Variants in CTNNA3 observed in about 807,000 individuals in gnomAD.
The protein encoded by CTNNA3 is catenin alpha-3.
CTNNA3 carries 76 observed loss-of-function variants against 95.7 expected under a neutral mutation model. The ratio of observed to expected loss-of-function variants is 0.79; its 90% confidence interval spans 0.66 to 0.96. The LOEUF is 0.96. Ranked by LOEUF, CTNNA3 falls within the 40% of genes least tolerant of loss-of-function variation. CTNNA3 has a pLI of 0.00. For synonymous variants in CTNNA3, 431 were observed against 374.4 expected (o/e 1.15, Z -1.74); for missense variants, 1,191 against 1,089.8 (o/e 1.09, Z -1.31).
At chr10:66,682,738 T>C (rs916973982) in intron 9 of CTNNA3, among the ~76,000 whole-genome samples, 1 of 152,022 alleles carries the variant, frequency 6.6e-6, no homozygotes, top group Non-Finnish European at 1.5e-5. Context: ...GTATATTTCA[T>C]GGTGAAGCCC....
At chr10:66,329,631 A>G (rs1189479413) in intron 12 of CTNNA3, among the ~76,000 whole-genome samples, 1 of 152,042 alleles carries the variant, frequency 6.6e-6, no homozygotes, top group Non-Finnish European at 1.5e-5. Context: ...AATAAAATGA[A>G]AGAATGAACG....
intron 11 of CTNNA3, among the ~76,000 whole-genome samples, chr10:66,514,880 T>A (rs1183994540): frequency 1.3e-5 from 2 of 152,112 alleles, no homozygotes; most frequent in East Asian, 3.9e-4. Flanking sequence ...TGAAAATATA[T>A]GTTTAACTAT....
intron 17 of CTNNA3, among the ~76,000 whole-genome samples, chr10:65,922,802 G>A (rs934666990): frequency 1.3e-5 from 2 of 152,106 alleles, no homozygotes; most frequent in Non-Finnish European, 2.9e-5. Flanking sequence ...GATACTACCC[G>A]AGACTGGGTT....
intron 12 of CTNNA3, among the ~76,000 whole-genome samples, chr10:66,311,814 C>A (rs988241118): frequency 6.6e-6 from 1 of 152,162 alleles, no homozygotes; most frequent in African/African-American, 2.4e-5. Flanking sequence ...CTGATAGTTA[C>A]TCTCCTGGGG....
intron 11 of CTNNA3, among the ~76,000 whole-genome samples, chr10:66,416,477 C>A (rs1212361744): frequency 6.6e-6 from 1 of 151,700 alleles, no homozygotes; most frequent in Admixed American, 6.6e-5. Context: ...AGACACAATA[C>A]AAAAAGTTCT....
intron 13 of CTNNA3, among the ~76,000 whole-genome samples, chr10:66,131,183 A>T (rs1041903657): frequency 2.6e-5 from 4 of 152,218 alleles, no homozygotes; most frequent in African/African-American, 9.6e-5. Context: ...TTTCCAAAAA[A>T]TTGTGGAGGA....
intron 11 of CTNNA3, among the ~76,000 whole-genome samples, chr10:66,399,614 G>A (rs2093004600): frequency 6.6e-6 from 1 of 151,898 alleles, no homozygotes; most frequent in African/African-American, 2.4e-5. Context: ...AGCTATCAAA[G>A]CCAAAATGCA....
At chr10:67,072,259 G>C (rs2131851224) in intron 7 of CTNNA3, among the ~76,000 whole-genome samples, 1 of 152,144 alleles carries the variant, frequency 6.6e-6, no homozygotes. Flanking sequence ...CAACCTGTTT[G>C]ATTATTTTCT....
intron 9 of CTNNA3, among the ~76,000 whole-genome samples, chr10:66,702,815 T>C (rs1847998367): frequency 6.6e-6 from 1 of 151,568 alleles, no homozygotes; most frequent in South Asian, 2.1e-4. Context: ...TAAACTGACA[T>C]GATTTCTTGT....
chr10:67,068,950 C>A (rs1291866380), intron 7 of CTNNA3, among the ~76,000 whole-genome samples: 1 of 152,078 alleles, frequency 6.6e-6, no homozygotes, highest in Non-Finnish European at 1.5e-5. Context: ...ATCCCAGCTA[C>A]TCAGGAGGCT....
At chr10:66,126,352 A>T (rs2082829853) in intron 13 of CTNNA3, among the ~76,000 whole-genome samples, 1 of 152,234 alleles carries the variant, frequency 6.6e-6, no homozygotes, top group Non-Finnish European at 1.5e-5. Flanking sequence ...CAAGGGAAGA[A>T]GGCTAGAATA....
At chr10:67,624,219 A>G (rs557302151) in intron 2 of CTNNA3, among the ~76,000 whole-genome samples, 1 of 152,268 alleles carries the variant, frequency 6.6e-6, no homozygotes, top group Admixed American at 6.5e-5. Context: ...CTCGCCAAAG[A>G]AAAAAATAAT....
chr10:66,063,250 A>C (rs151230231), intron 15 of CTNNA3, among the ~76,000 whole-genome samples: 3 of 144,898 alleles, frequency 2.1e-5, no homozygotes, highest in Middle Eastern at 3.6e-3. Flanking sequence ...ATAGATAGAT[A>C]GATCTATATA....
chr10:66,662,261 T>C (rs140515109), intron 9 of CTNNA3, among the ~76,000 whole-genome samples: 2 of 152,294 alleles, frequency 1.3e-5, no homozygotes, highest in African/African-American at 2.4e-5. Context: ...ACAACATTAA[T>C]CAATTAATTA....
chr10:66,172,829 G>A lies in CTNNA3; in HGVS notation c.1885-69580C>T, dbSNP rs533716186. On this transcript the variant is annotated intron_variant, in intron 13 of 17. Transcript: ENST00000433211. ...TTTCATCATTTTAATTAGATGACTT[G>A]TTCAAAACAAACACATCTACGAGCA... Among the ~76,000 whole-genome samples the A allele has an allele frequency of 2.0e-3, 311 of 152,196 alleles. 2 individuals carry two copies. The highest frequency in any genetic ancestry group is 3.6e-3 in the Non-Finnish European group (243 of 68,010).
At chr10:66,933,303 G>T (rs1164590520) in intron 7 of CTNNA3, among the ~76,000 whole-genome samples, 2 of 152,126 alleles carry the variant, frequency 1.3e-5, no homozygotes, top group African/African-American at 4.8e-5. Flanking sequence ...TTTTTATACT[G>T]ATTATCACAA....
At chr10:67,279,865 G>A (rs1839327846) in intron 5 of CTNNA3, among the ~76,000 whole-genome samples, 1 of 150,108 alleles carries the variant, frequency 6.7e-6, no homozygotes, top group Non-Finnish European at 1.5e-5. Context: ...ACTAGGGGAG[G>A]TGGAAGAGAA....
In CTNNA3 at chr10:66,766,268, A is replaced by G; in HGVS notation, c.1277T>C (p.Val426Ala). The G allele has an allele frequency of 1.2e-6, 2 of 1,613,590 alleles. No individual in the cohort carries two copies. The highest frequency in any genetic ancestry group is 1.7e-6 in the Non-Finnish European group (2 of 1,179,666). ...AIFHEHTSRL[V>A]EVANLACSMS... ...TTACAGTTCTAGCATGCTTACCTCT[A>G]CAAGCCTGCTGGTGTGTTCATGAAA... Residue 426 changes from valine to alanine, a missense_variant, in exon 9 of 18, where the codon GTA becomes GCA. Transcript: ENST00000433211.
At chr10:66,191,636 T>C (rs965279992) in intron 13 of CTNNA3, among the ~76,000 whole-genome samples, 2 of 150,964 alleles carry the variant, frequency 1.3e-5, no homozygotes, top group African/African-American at 4.9e-5. Flanking sequence ...AAAAAACTCC[T>C]GTAGCACCCA....
Sources: gnomAD v4.1 joint callset for allele counts (sites outside exome capture counted in the v4.1 genomes callset) on GRCh38, gnomAD v4.1.1 for gene constraint, MANE v1.5 for transcripts, NCBI Gene and HGNC (gene_info 2026-07-23, HGNC 2026-07-21) for gene names.